The following CNTN5 variants were observed in gnomAD, a reference collection of about 807,000 sequenced individuals.
CNTN5 encodes the protein contactin 5.
Under a neutral mutation model 129.1 loss-of-function variants are expected in CNTN5, and 77 were observed. That is an observed-to-expected ratio of 0.60 (90% CI 0.50 to 0.72). CNTN5 has a LOEUF of 0.72. Among genes scored for constraint, CNTN5 ranks in the 30% least tolerant of loss-of-function variants. CNTN5 has a pLI of 0.00. For synonymous variants in CNTN5, 509 were observed against 465.6 expected (o/e 1.09, Z -1.20); for missense variants, 1,478 against 1,328.8 (o/e 1.11, Z -1.75).
intron 3 of CNTN5, among the ~76,000 whole-genome samples, chr11:99,699,347 A>G (rs1954415716): frequency 6.6e-6 from 1 of 151,520 alleles, no homozygotes; most frequent in Non-Finnish European, 1.5e-5. Flanking sequence ...TAAAAAATCT[A>G]AAAGTATATG....
intron 2 of CNTN5, among the ~76,000 whole-genome samples, chr11:99,409,278 C>A (rs113481729): frequency 0.03 from 4,581 of 152,144 alleles, 220 homozygotes; most frequent in African/African-American, 0.1. Context: ...TCCAAGCTAA[C>A]ACGGTGAAAC....
rs200627187 is a variant in CNTN5, at chr11:100,356,251, T to C, written c.*31T>C. On this transcript the variant is annotated 3_prime_UTR_variant, in exon 25 of 25. Coordinates refer to ENST00000524871, the MANE Select transcript of CNTN5 (RefSeq NM_014361.4). ...GCTGACTTAATTTGCTTTTGTTTGC[T>C]TTAGCTTGGTAACAGCGGTGAATAG... The C allele has an allele frequency of 1.6e-4, 226 of 1,435,942 alleles. 4 individuals carry two copies. The South Asian group carries it at 2.6e-3, about 17-fold the overall frequency. 89.0% of individuals were successfully genotyped at this position (1,435,942 alleles called of 1,614,324 possible). A position where few individuals can be genotyped will look rare whatever the true frequency, so the allele number is the denominator to read the frequency against.
chr11:99,776,582 T>C (rs1945132865), intron 3 of CNTN5, among the ~76,000 whole-genome samples: 1 of 151,354 alleles, frequency 6.6e-6, no homozygotes, highest in Non-Finnish European at 1.5e-5. Context: ...TCCATAACTT[T>C]CTCCGTCTCT....
At chr11:99,255,397 A>T (rs1862326489) in intron 1 of CNTN5, among the ~76,000 whole-genome samples, 1 of 151,762 alleles carries the variant, frequency 6.6e-6, no homozygotes, top group Non-Finnish European at 1.5e-5. Flanking sequence ...TGGAATAAAT[A>T]TATTTTATGA....
chr11:99,483,052 A>G (rs11607851), intron 2 of CNTN5, among the ~76,000 whole-genome samples: 1 of 151,526 alleles, frequency 6.6e-6, no homozygotes, highest in Non-Finnish European at 1.5e-5. Flanking sequence ...GGCCCGTGCC[A>G]GTAGTCCCAG....
At chr11:100,321,788 G>A (rs978033316) in intron 21 of CNTN5, among the ~76,000 whole-genome samples, 5 of 151,864 alleles carry the variant, frequency 3.3e-5, no homozygotes, top group Non-Finnish European at 4.4e-5. Context: ...ATGCTTTTTT[G>A]CATTTACTGA....
intron 1 of CNTN5, among the ~76,000 whole-genome samples, chr11:99,218,711 T>G (rs897072912): frequency 4.6e-5 from 7 of 152,150 alleles, no homozygotes; most frequent in African/African-American, 1.7e-4. Context: ...AACCCTGAAT[T>G]TGCAGCTGGT....
chr11:99,805,127 A>G (rs962954771), intron 3 of CNTN5, among the ~76,000 whole-genome samples: 22 of 152,176 alleles, frequency 1.4e-4, no homozygotes, highest in Middle Eastern at 3.2e-3. Context: ...GTTTGAAAGA[A>G]TAAGTGCAGT....
At chr11:99,785,038 A>ATCCGCCTGCC (rs139577537) in intron 3 of CNTN5, among the ~76,000 whole-genome samples, 24,012 of 151,052 alleles carry the variant, frequency 0.16, 2,040 homozygotes, top group South Asian at 0.18. Context: ...TGACCTCGTG[A>ATCCGCCTGCC]TCCGCCTGCC....
intron 21 of CNTN5, chr11:100,337,171 T>G: frequency 6.8e-7 from 1 of 1,469,514 alleles, no homozygotes; most frequent in African/African-American, 1.4e-5. Context: ...TGTTCACCAG[T>G]GGGTTGACAC....
At chr11:99,856,228 T>A (rs7950550) in intron 6 of CNTN5, among the ~76,000 whole-genome samples, 1 of 152,278 alleles carries the variant, frequency 6.6e-6, no homozygotes, top group East Asian at 1.9e-4. Flanking sequence ...CAGCTGGAAT[T>A]TCTCCCGGTA....
At chr11:99,751,146 G>C (rs537766271) in intron 3 of CNTN5, among the ~76,000 whole-genome samples, 1 of 152,090 alleles carries the variant, frequency 6.6e-6, no homozygotes, top group Non-Finnish European at 1.5e-5. Context: ...AGAACAGCCT[G>C]ACCAACATAG....
chr11:100,234,863 AC>A (rs1200969638), intron 16 of CNTN5, among the ~76,000 whole-genome samples: 1 of 150,964 alleles, frequency 6.6e-6, no homozygotes, highest in African/African-American at 2.4e-5. Context: ...AAAACTGAGC[AC>A]CGATAGACTT....
intron 3 of CNTN5, among the ~76,000 whole-genome samples, chr11:99,694,585 AG>A (rs1382763613): frequency 6.6e-6 from 1 of 152,094 alleles, no homozygotes; most frequent in African/African-American, 2.4e-5. Context: ...TTTGTTACTT[AG>A]GTATACACGT....
intron 6 of CNTN5, among the ~76,000 whole-genome samples, chr11:99,872,613 T>A (rs771363452): frequency 3.9e-5 from 6 of 152,066 alleles, no homozygotes; most frequent in Non-Finnish European, 8.8e-5. Context: ...AGCAGGAGAC[T>A]TTGTTTGCAA....
chr11:100,167,823 G>A (rs547403302), intron 13 of CNTN5, among the ~76,000 whole-genome samples: 1 of 152,080 alleles, frequency 6.6e-6, no homozygotes, highest in South Asian at 2.1e-4. Context: ...CATGTCAAAT[G>A]CCAAGACAGG....
chr11:99,262,628 C>T (rs1011846), intron 1 of CNTN5, among the ~76,000 whole-genome samples: 23,235 of 147,762 alleles, frequency 0.16, 1,927 homozygotes, highest in South Asian at 0.26. Context: ...CTTTTTTTTG[C>T]TTCATTATAT....
At chr11:99,537,645 C>A (rs1947950741) in intron 2 of CNTN5, among the ~76,000 whole-genome samples, 1 of 152,134 alleles carries the variant, frequency 6.6e-6, no homozygotes, top group Non-Finnish European at 1.5e-5. Flanking sequence ...ACCACAAAAA[C>A]TTCAATTAAT....
chr11:99,962,087 T>A (rs1477696812), intron 8 of CNTN5, among the ~76,000 whole-genome samples: 1 of 151,468 alleles, frequency 6.6e-6, no homozygotes, highest in Non-Finnish European at 1.5e-5. Context: ...CATACTAAGA[T>A]AATATGAAAA....
Sources: allele counts gnomAD v4.1 joint callset (sites outside exome capture counted in the v4.1 genomes callset), GRCh38; gene constraint gnomAD v4.1.1; transcripts MANE v1.5; gene names NCBI Gene and HGNC (gene_info 2026-07-23, HGNC 2026-07-21).